Variants in ALG6 observed in about 807,000 individuals in gnomAD.
ALG6 encodes ALG6 alpha-1,3-glucosyltransferase.
A neutral mutation model predicts 66.6 loss-of-function variants in ALG6; 46 were observed. That is an observed-to-expected ratio of 0.69 (90% CI 0.55 to 0.88). ALG6 has a LOEUF of 0.88. Among genes scored for constraint, ALG6 ranks in the 40% least tolerant of loss-of-function variants. The pLI is 0.00. For synonymous variants in ALG6, 185 were observed against 203.7 expected, an observed-to-expected ratio of 0.91 and a Z score of 0.78; for missense variants, 505 against 586.8, an observed-to-expected ratio of 0.86 and a Z score of 1.44.
At position 63,426,335 on chromosome 1, in the gene ALG6, A is replaced by G. The variant is rs1215334342; in HGVS notation, c.1059-2398A>G. ...GTCACTTGAAGACTGTGGAAACAAC[A>G]AAAACAGGCACAGTTGAGAGGGCAG... is the stretch of plus-strand genomic sequence containing the variant. On this transcript the variant is annotated intron_variant, in intron 12 of 14. Transcript: ENST00000263440. Among the ~76,000 whole-genome samples, 9 of 152,168 alleles carry G rather than the reference A, an allele frequency of 5.9e-5. 1 individual carries two copies. The highest frequency in any genetic ancestry group is 5.9e-4 in the Admixed American group (9 of 15,276).
Position 63,371,027 on chromosome 1 carries a change from T to G in ALG6, c.50T>G (p.Val17Gly), listed in dbSNP as rs1448289759. The change falls in exon 2 of 15, where the codon GTA (valine) becomes GGA (glycine). Residue 17 changes from valine (V) to glycine (G), a missense_variant. Coordinates refer to ENST00000263440, the MANE Select transcript of ALG6 (RefSeq NM_013339.4). ...MTVVVLIGLT[V>G]RWTVSLNSYS... The stretch of plus-strand genomic sequence containing the variant: ...GTAGTGGTTTTAATAGGACTAACAG[T>G]ACGATGGACAGTGTCTCTTAATTCT... 1.2e-6 allele frequency: 2 copies of G among 1,610,846 alleles called. No homozygotes were observed. The highest frequency in any genetic ancestry group is 2.7e-5 in the African/African-American group (2 of 74,838).
intron 9 of ALG6, among the ~76,000 whole-genome samples, chr1:63,412,649 C>A (rs1031426918): frequency 6.6e-6 from 1 of 151,884 alleles, no homozygotes; most frequent in Non-Finnish European, 1.5e-5. Context: ...AGATATATAA[C>A]CTTCATCCAT....
At chr1:63,423,299 C>T (rs760592589) in intron 12 of ALG6, among the ~76,000 whole-genome samples, 2 of 152,148 alleles carry the variant, frequency 1.3e-5, no homozygotes, top group African/African-American at 2.4e-5. Flanking sequence ...GCTGGGATTA[C>T]AGGCATGAGC....
intron 2 of ALG6, among the ~76,000 whole-genome samples, chr1:63,387,622 A>G (rs369059119): frequency 3.2e-4 from 42 of 129,828 alleles, no homozygotes; most frequent in African/African-American, 1.2e-3. Flanking sequence ...GCTCACTGCA[A>G]CCTCCTGCCT....
At chr1:63,384,835 G>A (rs1648449515) in intron 2 of ALG6, among the ~76,000 whole-genome samples, 1 of 152,068 alleles carries the variant, frequency 6.6e-6, no homozygotes, top group Non-Finnish European at 1.5e-5. Flanking sequence ...CATGGTCTAG[G>A]TATCTGTTTT....
chr1:63,421,910 C>G (rs1019906618), intron 12 of ALG6, among the ~76,000 whole-genome samples: 4 of 150,432 alleles, frequency 2.7e-5, no homozygotes, highest in Non-Finnish European at 4.4e-5. Context: ...GGGAGAAATA[C>G]GTAATGTAGA....
chr1:63,435,610 C>T (rs1346531568), intron 14 of ALG6, among the ~76,000 whole-genome samples: 1 of 152,072 alleles, frequency 6.6e-6, no homozygotes, highest in Non-Finnish European at 1.5e-5. Context: ...CTTTTGTATA[C>T]CTGTGTACTG....
In ALG6 at chr1:63,382,641, GTTTTTTTTTGTTTGT is replaced by G. The variant is rs1464126585; in HGVS notation, c.82+11591_82+11605del. Among the ~76,000 whole-genome samples, 402 of 51,012 alleles carry G rather than the reference GTTTTTTTTTGTTTGT, an allele frequency of 7.9e-3. 1 individual carries two copies. Among genetic ancestry groups the G allele is most frequent in the African/African-American group, 0.035 (350 of 9,914 alleles). 33.5% of individuals were successfully genotyped at this position (51,012 alleles called of 152,430 possible). A position where few individuals can be genotyped will look rare whatever the true frequency, so the allele number is the denominator to read the frequency against. ...GGCACGTGCCACCATGCCTGGCTAA[GTTTTTTTTTGTTTGT>G]TTTTTTTTGTTTTTTTTTTTTTGTT... is the stretch of plus-strand genomic sequence containing the variant. On this transcript the variant is annotated intron_variant, in intron 2 of 14. Transcript: ENST00000263440.
chr1:63,381,399 A>T (rs1047688926), intron 2 of ALG6, among the ~76,000 whole-genome samples: 4 of 152,164 alleles, frequency 2.6e-5, no homozygotes, highest in Admixed American at 1.3e-4. Context: ...GCTTGCAGTG[A>T]GCTGAGATCT....
At chr1:63,408,521 ATTC>A (rs1319912641) in intron 7 of ALG6, among the ~76,000 whole-genome samples, 3 of 152,204 alleles carry the variant, frequency 2.0e-5, no homozygotes, top group African/African-American at 2.4e-5. Flanking sequence ...ATATATAAAC[ATTC>A]TTCTTATAAG....
Position 63,370,851 on chromosome 1 carries a change from G to T in ALG6, c.-127G>T. On this transcript the variant is annotated 5_prime_UTR_variant, in exon 2 of 15. Coordinates refer to ENST00000263440, the MANE Select transcript of ALG6 (RefSeq NM_013339.4). ...AAAATTCTCTCAAACTCCTAATTGC[G>T]AAGAATCGATAACATTTCAAGAAGT... 1.4e-6 allele frequency: 1 copy of T among 739,360 alleles called. No homozygotes were observed. The highest frequency in any genetic ancestry group is 1.5e-5 in the South Asian group (1 of 66,734). The allele number at this position is 739,360 out of a possible 1,614,324, so 45.8% of individuals were successfully genotyped here.
At chr1:63,412,179 C>G in intron 9 of ALG6, 118 bp downstream of exon 9, 1 of 1,452,182 alleles carries the variant, frequency 6.9e-7, no homozygotes, top group East Asian at 2.3e-5. Context: ...TGTAATCATT[C>G]CTTGCCAGTT....
At chr1:63,432,550 G>A (rs1237750378) in intron 14 of ALG6, among the ~76,000 whole-genome samples, 1 of 152,144 alleles carries the variant, frequency 6.6e-6, no homozygotes, top group African/African-American at 2.4e-5. Context: ...TGTATTTGAG[G>A]TCAAGAACTC....
chr1:63,411,903 GCCTA>G lies in ALG6; in HGVS notation c.681-19_681-16del. 6.2e-7 allele frequency: 1 copy of G among 1,613,862 alleles called. No individual in the cohort carries two copies. On this transcript the variant is annotated intron_variant, in intron 8 of 14. Transcript: ENST00000263440. ...ATTACTGACCTTTCCCTATCTTACT[GCCTA>G]CCTTTGTTTTTGTTTTAGGTTTGTG...
At chr1:63,432,253 C>T (rs896750465) in intron 14 of ALG6, among the ~76,000 whole-genome samples, 2 of 109,476 alleles carry the variant, frequency 1.8e-5, no homozygotes, top group Non-Finnish European at 3.6e-5. Flanking sequence ...CATCTTTGGT[C>T]ATGTGTGTTT....
chr1:63,416,778 G>A (rs1644547910), intron 11 of ALG6, among the ~76,000 whole-genome samples: 1 of 152,028 alleles, frequency 6.6e-6, no homozygotes, highest in Admixed American at 6.6e-5. Context: ...TCTTGGTTGT[G>A]TTTCTATGGC....
intron 10 of ALG6, among the ~76,000 whole-genome samples, chr1:63,414,566 G>C (rs1644532759): frequency 6.6e-6 from 1 of 152,130 alleles, no homozygotes; most frequent in Non-Finnish European, 1.5e-5. Context: ...TTTTTCTTTA[G>C]AGGATTTTCC....
In ALG6 at chr1:63,376,825, G is replaced by A. The variant is rs192756239; in HGVS notation, c.82+5766G>A. Among the ~76,000 whole-genome samples the A allele has an allele frequency of 1.8e-4, 27 of 152,080 alleles. No homozygotes were observed. The East Asian group carries it at 5.2e-3, about 29-fold the overall frequency. On this transcript the variant is annotated intron_variant, in intron 2 of 14. Transcript: ENST00000263440. ...ATATATTCAATAACCCAATATTATT[G>A]TTTTGATACAATCGTTTTTTATATT... is the stretch of plus-strand genomic sequence containing the variant.
intron 12 of ALG6, among the ~76,000 whole-genome samples, chr1:63,421,866 T>C (rs1644575368): frequency 6.7e-6 from 1 of 150,354 alleles, no homozygotes; most frequent in Non-Finnish European, 1.5e-5. Context: ...CACTGGCCTG[T>C]TGGGGGGTGG....
Sources: allele counts gnomAD v4.1 joint callset (sites outside exome capture counted in the v4.1 genomes callset), GRCh38; gene constraint gnomAD v4.1.1; transcripts MANE v1.5; gene names NCBI Gene and HGNC (gene_info 2026-07-23, HGNC 2026-07-21).